Variants in GRIN2A observed in about 807,000 individuals in gnomAD.
GRIN2A encodes glutamate receptor ionotropic, NMDA 2A.
GRIN2A carries 22 observed loss-of-function variants against 113.4 expected under a neutral mutation model. The ratio of observed to expected loss-of-function variants is 0.19; its 90% CI spans 0.14 to 0.28. GRIN2A has a LOEUF of 0.28. GRIN2A is among the 10% of genes least tolerant of loss of function. GRIN2A has a pLI of 1.00. For synonymous variants in GRIN2A, 827 were observed against 738.4 expected (o/e 1.12, Z -1.94); for missense variants, 1,502 against 1,887.0 (o/e 0.80, Z 3.78).
At chr16:9,854,992 TTGTGTG>T (rs3831730) in intron 4 of GRIN2A, among the ~76,000 whole-genome samples, 2,491 of 147,556 alleles carry the variant, frequency 0.017, 74 homozygotes, top group African/African-American at 0.056. Flanking sequence ...GCAAGCACGC[TTGTGTG>T]TGTGTGTGTG....
intron 4 of GRIN2A, among the ~76,000 whole-genome samples, chr16:9,871,397 A>G (rs1490978838): frequency 6.6e-5 from 10 of 151,918 alleles, no homozygotes; most frequent in African/African-American, 1.9e-4. Flanking sequence ...AAAAGAGAAC[A>G]CTGTCAATAG....
chr16:10,179,893 C>CCCCAAAACAAAA, intron 2 of GRIN2A, 105 bp downstream of exon 2: 2 of 719,818 alleles, frequency 2.8e-6, no homozygotes, highest in Non-Finnish European at 2.4e-6. Context: ...CCCCCACCCC[C>CCCCAAAACAAAA]ACTTCACATC....
At chr16:9,799,406 C>T (rs1035708456) in intron 10 of GRIN2A, among the ~76,000 whole-genome samples, 4 of 152,190 alleles carry the variant, frequency 2.6e-5, no homozygotes, top group Admixed American at 2.6e-4. Flanking sequence ...CTCCCTGGAG[C>T]CTTCGGTGGA....
intron 2 of GRIN2A, among the ~76,000 whole-genome samples, chr16:10,012,430 G>T (rs922395014): frequency 3.3e-5 from 5 of 152,172 alleles, no homozygotes; most frequent in African/African-American, 4.8e-5. Flanking sequence ...TGGTTATCCA[G>T]ACCAGCCCTT....
chr16:10,057,908 A>T (rs2047482262), intron 2 of GRIN2A, among the ~76,000 whole-genome samples: 1 of 152,226 alleles, frequency 6.6e-6, no homozygotes, highest in East Asian at 1.9e-4. Context: ...CCACTTTGGC[A>T]GGCTGGTGAA....
rs1342586836 is a variant in GRIN2A, at chr16:9,759,158, C to G, written c.*3991G>C. On this transcript the variant is annotated 3_prime_UTR_variant, in exon 13 of 13. Coordinates refer to ENST00000330684, the MANE Select transcript of GRIN2A (RefSeq NM_001134407.3). ...TCCTCTGTAAGGTATTTAGAGTTCT[C>G]AAATTAGTGTTTATTTAGGTCTTAA... The G allele has an allele frequency of 4.6e-6, 1 of 217,142 alleles. No homozygotes were observed. Among genetic ancestry groups the G allele is most frequent in the Non-Finnish European group, 9.3e-6 (1 of 108,108 alleles). 13.5% of individuals were successfully genotyped at this position (217,142 alleles called of 1,614,324 possible).
At chr16:10,035,322 C>A (rs2047004776) in intron 2 of GRIN2A, among the ~76,000 whole-genome samples, 1 of 152,108 alleles carries the variant, frequency 6.6e-6, no homozygotes, top group African/African-American at 2.4e-5. Context: ...CACCACTCCC[C>A]ACCCATCCTC....
rs112041598 is a variant in GRIN2A, at chr16:9,845,205, A to G, written c.1329-4101T>C. 7.4e-3 allele frequency among the ~76,000 whole-genome samples: 1,134 copies of G among 152,254 alleles called. 10 individuals are homozygous for G. The highest frequency in any genetic ancestry group is 0.021 in the African/African-American group (893 of 41,558). Reference sequence around the variant, plus strand: ...GCTACTATCTCCTCACAGAAACCAAAAACGTGAATTTGAACCTGTTAAGCT... The same window carrying G: ...GCTACTATCTCCTCACAGAAACCAAGAACGTGAATTTGAACCTGTTAAGCT... On this transcript the variant is annotated intron_variant, in intron 5 of 12. Coordinates refer to ENST00000330684, the MANE Select transcript of GRIN2A (RefSeq NM_001134407.3).
chr16:9,930,451 G>A (rs2044561750), intron 3 of GRIN2A, among the ~76,000 whole-genome samples: 1 of 152,174 alleles, frequency 6.6e-6, no homozygotes. Flanking sequence ...AATGATTTGT[G>A]TTCCTCTGGA....
chr16:9,990,658 T>C (rs2046093585), intron 2 of GRIN2A, among the ~76,000 whole-genome samples: 1 of 143,144 alleles, frequency 7.0e-6, no homozygotes, highest in South Asian at 2.2e-4. Flanking sequence ...ACTATGTTCT[T>C]ACATTGGCAT....
rs200124835 is a variant in GRIN2A, at chr16:10,015,252, CAA to C, written c.415-76703_415-76702del. Among the ~76,000 whole-genome samples, 33 of 19,314 alleles carry C rather than the reference CAA, an allele frequency of 1.7e-3. 1 individual carries two copies. Among genetic ancestry groups the C allele is most frequent in the African/African-American group, 4.5e-3 (29 of 6,506 alleles). The allele number at this position is 19,314 out of a possible 152,430, so 12.7% of individuals were successfully genotyped here. A position where few individuals can be genotyped will look rare whatever the true frequency, so the allele number is the denominator to read the frequency against. The stretch of plus-strand genomic sequence containing the variant: ...TGGGCAACAGAGCAAGACTTCATCT[CAA>C]AAAAAAAAAAAAAAAAAGAAAAAAA... On this transcript the variant is annotated intron_variant, in intron 2 of 12. Transcript: ENST00000330684.
intron 10 of GRIN2A, among the ~76,000 whole-genome samples, chr16:9,816,459 A>G (rs940935655): frequency 2.0e-5 from 3 of 152,216 alleles, no homozygotes; most frequent in African/African-American, 7.2e-5. Context: ...GGACTTTTCC[A>G]TAAATGTATA....
At chr16:9,946,775 G>T (rs1461459540) in intron 2 of GRIN2A, among the ~76,000 whole-genome samples, 4 of 152,162 alleles carry the variant, frequency 2.6e-5, no homozygotes, top group African/African-American at 9.7e-5. Flanking sequence ...TTGGATGGAT[G>T]TTCTACCAGA....
intron 2 of GRIN2A, among the ~76,000 whole-genome samples, chr16:10,157,296 T>C (rs13335218): frequency 0.026 from 3,948 of 152,286 alleles, 166 homozygotes; most frequent in African/African-American, 0.091. Context: ...CAAAATAATA[T>C]TAAAAGTATG....
At chr16:10,067,356 A>AAG (rs1308446256) in intron 2 of GRIN2A, among the ~76,000 whole-genome samples, 2 of 152,200 alleles carry the variant, frequency 1.3e-5, no homozygotes. Flanking sequence ...CTGTTTTGAC[A>AAG]AGTTATCTCC....
chr16:10,160,898 G>A (rs139486568), intron 2 of GRIN2A, among the ~76,000 whole-genome samples: 3 of 152,276 alleles, frequency 2.0e-5, no homozygotes, highest in East Asian at 1.9e-4. Flanking sequence ...AGGCACGTTC[G>A]TGGAGCCAGG....
intron 11 of GRIN2A, among the ~76,000 whole-genome samples, chr16:9,788,672 T>C (rs1902396865): frequency 6.6e-6 from 1 of 152,004 alleles, no homozygotes; most frequent in South Asian, 2.1e-4. Context: ...TTTGTCTTTC[T>C]TTCTTCTTGT....
intron 2 of GRIN2A, chr16:10,121,563 T>C (rs2352757): frequency 0.84 from 128,142 of 151,994 alleles, 54,828 homozygotes; most frequent in East Asian, 0.92. Flanking sequence ...CACAAAGGCA[T>C]GAGCTCATCA....
chr16:10,176,862 A>T (rs1439842997), intron 2 of GRIN2A, among the ~76,000 whole-genome samples: 3 of 152,298 alleles, frequency 2.0e-5, no homozygotes, highest in South Asian at 2.1e-4. Flanking sequence ...AAATAAAAAT[A>T]AAAAAAGTTA....
Sources: allele counts gnomAD v4.1 joint callset (sites outside exome capture counted in the v4.1 genomes callset), GRCh38; gene constraint gnomAD v4.1.1; transcripts MANE v1.5; gene names NCBI Gene and HGNC (gene_info 2026-07-23, HGNC 2026-07-21).